Variants in DENND2B observed in about 807,000 individuals in gnomAD.
DENND2B encodes DENN domain-containing protein 2B.
DENND2B carries 32 observed loss-of-function variants against 116.0 expected under a neutral mutation model. The observed-to-expected ratio is 0.28, with a 90% confidence interval of 0.21 to 0.37. The LOEUF (loss-of-function observed/expected upper bound fraction) is 0.37. Among genes scored for constraint, DENND2B ranks in the 10% least tolerant of loss-of-function variants. The probability of loss-of-function intolerance (pLI) is 1.00; values close to 1 mark genes in which losing one functional copy is unlikely to be tolerated. For synonymous variants in DENND2B, 588 were observed against 583.9 expected (o/e 1.01, Z -0.10); for missense variants, 1,276 against 1,477.7 (o/e 0.86, Z 2.24).
chr11:8,732,622 G>A (rs940297106), intron 2 of DENND2B, among the ~76,000 whole-genome samples: 21 of 144,004 alleles, frequency 1.5e-4, no homozygotes, highest in African/African-American at 3.9e-4. Flanking sequence ...GAAGGTGCTC[G>A]GTGAATGATG....
intron 4 of DENND2B, among the ~76,000 whole-genome samples, chr11:8,820,791 A>C (rs951995089): frequency 6.6e-6 from 1 of 152,196 alleles, no homozygotes; most frequent in Non-Finnish European, 1.5e-5. Context: ...CTTGGTCTGA[A>C]AAACTGCACT....
In DENND2B at chr11:8,903,851, G is replaced by A. The variant is rs534202500; in HGVS notation, c.-256+6970C>T. On this transcript the variant is annotated intron_variant, in intron 1 of 22. Transcript: ENST00000534127. The stretch of plus-strand genomic sequence containing the variant: ...CTGTAGTGAGCTGTGATTATGCCAC[G>A]GCACTCCAGCCTTGGCAACAGGAGT... Among the ~76,000 whole-genome samples, 88 of 140,898 alleles carry A rather than the reference G, an allele frequency of 6.2e-4. 1 individual carries two copies. The highest frequency in any genetic ancestry group is 1.1e-3 in the Non-Finnish European group (72 of 66,602). 92.4% of individuals were successfully genotyped at this position (140,898 alleles called of 152,430 possible). A position where few individuals can be genotyped will look rare whatever the true frequency, so the allele number is the denominator to read the frequency against.
At chr11:8,882,862 C>A (rs2063917551) in intron 1 of DENND2B, among the ~76,000 whole-genome samples, 1 of 152,060 alleles carries the variant, frequency 6.6e-6, no homozygotes, top group Admixed American at 6.6e-5. Flanking sequence ...GTGGTGCATG[C>A]CTGTGATCCC....
intron 1 of DENND2B, among the ~76,000 whole-genome samples, chr11:8,789,507 GGCCA>G (rs951484169): frequency 6.6e-6 from 1 of 151,944 alleles, no homozygotes; most frequent in African/African-American, 2.4e-5. Flanking sequence ...AATAATAATG[GGCCA>G]GCCAAACATC....
rs772005844 is a variant in DENND2B at position 8,717,889 on chromosome 11, T to A, written c.1481A>T (p.Asp494Val). 6.2e-7 allele frequency: 1 copy of A among 1,608,012 alleles called. No homozygotes were observed. Residue 494 changes from aspartate to valine, a missense_variant, in exon 5 of 20, where the codon GAT becomes GTT. Physicochemically the swap from Asp to Val is radical, Grantham distance 152. This residue lies in a region of DENND2B where 856 missense variants were observed against 846.6 expected (regional missense o/e 1.01). Transcript: ENST00000313726. The part of the protein sequence containing the change: ...EENAYEDIVG[D>V]LPKENPYEDV... ...CTCATATGGATTCTCCTTGGGCAGATCTCCTGCAGAGGAGGAAGAGTTAGA... is the reference window on the plus strand; with the variant it reads ...CTCATATGGATTCTCCTTGGGCAGAACTCCTGCAGAGGAGGAAGAGTTAGA...
intron 2 of DENND2B, among the ~76,000 whole-genome samples, chr11:8,744,682 A>G (rs555037680): frequency 2.9e-4 from 44 of 152,214 alleles, no homozygotes; most frequent in Non-Finnish European, 5.0e-4. Flanking sequence ...AATTAGCAAC[A>G]GCTGTCCCAC....
At chr11:8,770,232 T>C (rs1286968032) in intron 1 of DENND2B, among the ~76,000 whole-genome samples, 3 of 152,192 alleles carry the variant, frequency 2.0e-5, no homozygotes, top group African/African-American at 7.2e-5. Flanking sequence ...TCACGTATTA[T>C]CTCATTTGAG....
At chr11:8,737,421 C>G (rs2049253905) in intron 2 of DENND2B, among the ~76,000 whole-genome samples, 1 of 152,024 alleles carries the variant, frequency 6.6e-6, no homozygotes, top group African/African-American at 2.4e-5. Context: ...AACCTGCCAA[C>G]AACTAAGTAA....
intron 2 of DENND2B, among the ~76,000 whole-genome samples, chr11:8,870,363 A>G (rs1444764621): frequency 2.0e-5 from 3 of 152,218 alleles, no homozygotes; most frequent in Admixed American, 6.5e-5. Context: ...TAGAGTGTGG[A>G]CCCTTTAATA....
At chr11:8,753,911 G>A (rs1346854329) in intron 1 of DENND2B, among the ~76,000 whole-genome samples, 7 of 152,140 alleles carry the variant, frequency 4.6e-5, no homozygotes, top group Non-Finnish European at 8.8e-5. Flanking sequence ...AGTAAAAAAT[G>A]TAGTATAGCC....
At chr11:8,742,737 G>A (rs1469441693) in intron 2 of DENND2B, among the ~76,000 whole-genome samples, 3 of 152,220 alleles carry the variant, frequency 2.0e-5, no homozygotes, top group Non-Finnish European at 1.5e-5. Context: ...AGTACCTCTA[G>A]GCAGGAAAAC....
intron 3 of DENND2B, among the ~76,000 whole-genome samples, chr11:8,845,874 A>C (rs557649212): frequency 1.3e-5 from 2 of 152,206 alleles, no homozygotes; most frequent in Non-Finnish European, 2.9e-5. Context: ...ACAGAAAGAG[A>C]CTGAAGACAG....
At chr11:8,715,506 A>T (rs2044580139) in intron 6 of DENND2B, 97 bp downstream of exon 6, 1 of 1,276,940 alleles carries the variant, frequency 7.8e-7, no homozygotes, top group Non-Finnish European at 1.1e-6. Context: ...GAAGCAGTCC[A>T]GATTAGGGAA....
rs925602969 is a variant in DENND2B, at chr11:8,730,032, G to A, written c.1258C>T (p.Pro420Ser). 1.2e-6 allele frequency: 2 copies of A among 1,614,100 alleles called. No homozygotes were observed. The highest frequency in any genetic ancestry group is 1.3e-5 in the African/African-American group (1 of 74,932). The change falls in exon 3 of 20, where the codon CCT (proline) becomes TCT (serine). Residue 420 changes from proline to serine, a missense_variant. Coordinates refer to ENST00000313726, the MANE Select transcript of DENND2B (RefSeq NM_213618.2). The surrounding 1 kb of genome is among the most constrained non-coding windows in gnomAD (Gnocchi z 4.1). ...GGGGCTGGGGTGGAGGGCAAGGGAGGTGGAGCAGCAGGTGTGGGTGAAGGA... is the reference window on the plus strand; with the variant it reads ...GGGGCTGGGGTGGAGGGCAAGGGAGATGGAGCAGCAGGTGTGGGTGAAGGA... ...LPPSPTPAAPPPLPSTPAPPV... is the reference protein window; with the variant it reads ...LPPSPTPAAPSPLPSTPAPPV...
At chr11:8,807,502 AC>A (rs2060975985) in intron 1 of DENND2B, among the ~76,000 whole-genome samples, 3 of 152,160 alleles carry the variant, frequency 2.0e-5, no homozygotes, top group Admixed American at 2.0e-4. Flanking sequence ...AACCAGCAGA[AC>A]CAAGGGTGTC....
intron 1 of DENND2B, among the ~76,000 whole-genome samples, chr11:8,799,902 C>T: frequency 6.6e-6 from 1 of 150,436 alleles, no homozygotes; most frequent in Non-Finnish European, 1.5e-5. Context: ...CTACAGTCCT[C>T]AGTCTTCACC....
chr11:8,718,241 G>T, intron 4 of DENND2B: 1 of 1,004,426 alleles, frequency 1.0e-6, no homozygotes, highest in Non-Finnish European at 1.5e-6. Context: ...GTCTTTCCTT[G>T]GCTCCCTTCC....
chr11:8,873,695 T>A (rs1355338874), upstream of DENND2B, among the ~76,000 whole-genome samples: 1 of 152,208 alleles, frequency 6.6e-6, no homozygotes. Context: ...ACCTAGCCTG[T>A]CTTGCTAATA....
At chr11:8,718,104 A>ACCCCCCCAC (rs1555123906) in intron 4 of DENND2B, 2,838 of 59,500 alleles carry the variant, frequency 0.048, 130 homozygotes, top group Non-Finnish European at 0.069. Context: ...CCACCCCCCC[A>ACCCCCCCAC]CCCCCCCCAA....
Sources: allele counts gnomAD v4.1 joint callset (sites outside exome capture counted in the v4.1 genomes callset), GRCh38; gene constraint gnomAD v4.1.1; regional missense constraint gnomAD v4.1.1; non-coding constraint Gnocchi (gnomAD v3.1); transcripts MANE v1.5; gene names NCBI Gene and HGNC (gene_info 2026-07-23, HGNC 2026-07-21).